The following KDM4B variants were observed in gnomAD, a reference collection of about 807,000 sequenced individuals.
KDM4B encodes the protein lysine demethylase 4B, also known as lysine-specific demethylase 4B.
Under a neutral mutation model 125.2 loss-of-function variants are expected in KDM4B, and 32 were observed. The observed-to-expected ratio is 0.26, with a 90% CI of 0.19 to 0.34. The LOEUF is 0.34. KDM4B is among the 10% of genes least tolerant of loss of function. KDM4B has a pLI of 1.00. For synonymous variants in KDM4B, 721 were observed against 677.9 expected (o/e 1.06, Z -0.99); for missense variants, 1,190 against 1,577.7 (o/e 0.75, Z 4.16).
At chr19:5,060,814 ACT>A (rs1466380529) in intron 6 of KDM4B, among the ~76,000 whole-genome samples, 1 of 152,130 alleles carries the variant, frequency 6.6e-6, no homozygotes, top group Non-Finnish European at 1.5e-5. Context: ...TGTGACGGGC[ACT>A]CTCACAGCTT....
At position 5,085,559 on chromosome 19, in the gene KDM4B, G is replaced by T. The variant is rs150183054; in HGVS notation, c.918+3055G>T. Among the ~76,000 whole-genome samples, 311 of 152,372 alleles carry T rather than the reference G, an allele frequency of 2.0e-3. 1 individual carries two copies. The highest frequency in any genetic ancestry group is 7.2e-3 in the African/African-American group (298 of 41,602). ...TTGGCATTTGGGAAGTGCAGACTTA[G>T]ATTGGGCTCCACGCTTCCATTGTCA... On this transcript the variant is annotated intron_variant, in intron 9 of 22. Coordinates refer to ENST00000159111, the MANE Select transcript of KDM4B (RefSeq NM_015015.3).
chr19:5,085,846 T>G (rs941763598), intron 9 of KDM4B, among the ~76,000 whole-genome samples: 3 of 152,174 alleles, frequency 2.0e-5, no homozygotes, highest in Non-Finnish European at 4.4e-5. Flanking sequence ...CTGGCAGGGT[T>G]TTCTCTCCCA....
chr19:5,104,178 C>T (rs2038991504), intron 9 of KDM4B, among the ~76,000 whole-genome samples: 1 of 152,138 alleles, frequency 6.6e-6, no homozygotes, highest in Admixed American at 6.5e-5. Context: ...AGCTGGTGCC[C>T]CTCCACCCCG....
At chr19:5,143,591 T>G (rs938302882) in intron 18 of KDM4B, among the ~76,000 whole-genome samples, 4 of 152,122 alleles carry the variant, frequency 2.6e-5, no homozygotes, top group Non-Finnish European at 5.9e-5. Flanking sequence ...GGCACATCTC[T>G]GTCGCCACGT....
rs887115861 is a variant in KDM4B at position 5,114,944 on chromosome 19, C to T, written c.1115+4126C>T. Among the ~76,000 whole-genome samples, 1 of 152,268 alleles carries T rather than the reference C, an allele frequency of 6.6e-6. No individual in the cohort carries two copies. Among genetic ancestry groups the T allele is most frequent in the Non-Finnish European group, 1.5e-5 (1 of 68,050 alleles). ...TGGCTCATAGGAATGAGCCCAGCGG[C>T]GTCCAGTTAAGCCTGGCAGGCTAAG... is the stretch of plus-strand genomic sequence containing the variant. On this transcript the variant is annotated intron_variant, in intron 10 of 22. Coordinates refer to ENST00000159111, the MANE Select transcript of KDM4B (RefSeq NM_015015.3). The surrounding 1 kb of genome is among the most constrained non-coding windows in gnomAD (Gnocchi z 5.8).
At chr19:5,010,302 G>A (rs1008660918) in intron 1 of KDM4B, among the ~76,000 whole-genome samples, 3 of 152,212 alleles carry the variant, frequency 2.0e-5, no homozygotes, top group Non-Finnish European at 1.5e-5. Context: ...TAGGGCTCAT[G>A]CTGCTCCTTC....
At position 5,152,967 on chromosome 19, in the gene KDM4B, G is replaced by A. The variant is rs2039973113; in HGVS notation, c.*1456G>A. Reference sequence around the variant, plus strand: ...AGGCTGTGGTGGGAGGATTGCTTGAGTCCAGGAGGTTGAGGCTGCAGTCAG... The same window carrying A: ...AGGCTGTGGTGGGAGGATTGCTTGAATCCAGGAGGTTGAGGCTGCAGTCAG... On this transcript the variant is annotated 3_prime_UTR_variant, in exon 23 of 23. Transcript: ENST00000159111. 1 of 152,034 alleles carries A rather than the reference G, an allele frequency of 6.6e-6. No individual in the cohort carries two copies. The allele number at this position is 152,034 out of a possible 1,614,324, so 9.4% of individuals were successfully genotyped here.
chr19:5,116,127 A>G (rs1015340050), intron 10 of KDM4B, among the ~76,000 whole-genome samples: 2 of 149,210 alleles, frequency 1.3e-5, no homozygotes, highest in African/African-American at 4.9e-5. Context: ...GGGGCTGGGC[A>G]TGGTAGCTCA....
intron 1 of KDM4B, among the ~76,000 whole-genome samples, chr19:4,998,325 TC>T (rs1452218256): frequency 6.6e-6 from 1 of 152,232 alleles, no homozygotes; most frequent in Non-Finnish European, 1.5e-5. Flanking sequence ...CCCAAACACT[TC>T]CCTTTTTTGT....
intron 5 of KDM4B, 61 bp downstream of exon 5, chr19:5,041,312 G>A: frequency 7.7e-7 from 1 of 1,296,638 alleles, no homozygotes; most frequent in Non-Finnish European, 1.1e-6. Context: ...TGGTGGGAGG[G>A]CCCTGAACGG....
At chr19:5,025,993 C>T (rs263064) in intron 2 of KDM4B, among the ~76,000 whole-genome samples, 51,138 of 151,840 alleles carry the variant, frequency 0.34, 9,091 homozygotes, top group East Asian at 0.69. Flanking sequence ...GGCAGTTGTC[C>T]TGCCTCAGTC....
intron 2 of KDM4B, among the ~76,000 whole-genome samples, chr19:5,020,901 C>T (rs1041599397): frequency 3.3e-5 from 5 of 152,170 alleles, no homozygotes; most frequent in African/African-American, 1.2e-4. Flanking sequence ...CATACCAGCA[C>T]TTTGGGAGGC....
At chr19:5,107,741 A>G (rs533076583) in intron 9 of KDM4B, among the ~76,000 whole-genome samples, 2 of 152,288 alleles carry the variant, frequency 1.3e-5, no homozygotes, top group East Asian at 1.9e-4. Flanking sequence ...GGCTGCTGCT[A>G]AGGGGAGCTG....
rs747602342 is a variant in KDM4B, at chr19:5,047,544, C to T, written c.501C>T (p.Thr167=). ...ILDMVERECG[T]IIEGVNTPYL... The stretch of plus-strand genomic sequence containing the variant: ...ACATGGTGGAGCGCGAGTGCGGCAC[C>T]ATCATCGAGGGCGTGAACACGCCCT... The change falls in exon 6 of 23, where the codon ACC becomes ACT. Residue 167 remains threonine, a synonymous_variant. Coordinates refer to ENST00000159111, the MANE Select transcript of KDM4B (RefSeq NM_015015.3). 1 of 1,613,912 alleles carries T rather than the reference C, an allele frequency of 6.2e-7. No individual in the cohort carries two copies. Among genetic ancestry groups the T allele is most frequent in the Non-Finnish European group, 8.5e-7 (1 of 1,179,914 alleles).
chr19:5,124,849 GCCTC>G (rs2039422530), intron 11 of KDM4B, among the ~76,000 whole-genome samples: 1 of 152,192 alleles, frequency 6.6e-6, no homozygotes, highest in African/African-American at 2.4e-5. Context: ...ACTTGCCTCA[GCCTC>G]CCAAGGTGCT....
At chr19:5,116,428 TTAGACACACA>T (rs1385963517) in intron 10 of KDM4B, among the ~76,000 whole-genome samples, 1 of 152,150 alleles carries the variant, frequency 6.6e-6, no homozygotes, top group Non-Finnish European at 1.5e-5. Flanking sequence ...AAGGATCTTT[TTAGACACACA>T]GAGTCTCGTA....
At chr19:5,099,732 C>G (rs1277840253) in intron 9 of KDM4B, among the ~76,000 whole-genome samples, 1 of 152,130 alleles carries the variant, frequency 6.6e-6, no homozygotes, top group East Asian at 1.9e-4. Context: ...AGATCAGAGC[C>G]CTTATAAAAG....
Position 5,000,697 on chromosome 19 carries a change from T to TC in KDM4B, c.-108-15555dup, listed in dbSNP as rs200410003. On this transcript the variant is annotated intron_variant, in intron 1 of 22. Transcript: ENST00000159111. ...ACATGGATTAGTTCTTCCATTTTTT[T>TC]CCCCCTTCTTTACTGTGGTTATATT... 2.8e-3 allele frequency among the ~76,000 whole-genome samples: 422 copies of TC among 152,310 alleles called. 4 individuals are homozygous for TC. Among genetic ancestry groups the TC allele is most frequent in the African/African-American group, 9.7e-3 (403 of 41,568 alleles).
chr19:5,078,527 C>A lies in KDM4B; in HGVS notation c.780+1057C>A, dbSNP rs1022705189. 3 of 151,978 alleles carry A rather than the reference C, an allele frequency of 2.0e-5. No homozygotes were observed. The highest frequency in any genetic ancestry group is 2.0e-4 in the Admixed American group (3 of 15,250). The allele number at this position is 151,978 out of a possible 1,614,324, so 9.4% of individuals were successfully genotyped here. A position where few individuals can be genotyped will look rare whatever the true frequency, so the allele number is the denominator to read the frequency against. On this transcript the variant is annotated intron_variant, in intron 8 of 22. Transcript: ENST00000159111. The surrounding 1 kb of genome is among the most constrained non-coding windows in gnomAD (Gnocchi z 4.5). ...GCATTTCCGGCCTTTCCTCTTCTCC[C>A]CCGTCTTCTGGTTGGAACATCATTC...
Sources: allele counts gnomAD v4.1 joint callset (sites outside exome capture counted in the v4.1 genomes callset), GRCh38; gene constraint gnomAD v4.1.1; non-coding constraint Gnocchi (gnomAD v3.1); transcripts MANE v1.5; gene names NCBI Gene and HGNC (gene_info 2026-07-23, HGNC 2026-07-21).